Variants in GALNT13 observed in about 807,000 individuals in gnomAD.
GALNT13 encodes the protein polypeptide N-acetylgalactosaminyltransferase 13.
A neutral mutation model predicts 64.2 loss-of-function variants in GALNT13; 28 were observed. The observed-to-expected ratio is 0.44, with a 90% CI of 0.32 to 0.60. The LOEUF (loss-of-function observed/expected upper bound fraction) is 0.60, where lower values mean the gene tolerates loss of function less well. Among genes scored for constraint, GALNT13 ranks in the 20% least tolerant of loss-of-function variants. The probability of loss-of-function intolerance (pLI) is 0.05; values close to 1 mark genes in which losing one functional copy is unlikely to be tolerated. For missense variants in GALNT13, 577 were observed against 669.8 expected (o/e 0.86, Z 1.53); for synonymous variants, 214 against 224.6 (o/e 0.95, Z 0.42).
At chr2:154,151,206 G>A (rs928699571) in intron 4 of GALNT13, among the ~76,000 whole-genome samples, 1 of 152,152 alleles carries the variant, frequency 6.6e-6, no homozygotes, top group Non-Finnish European at 1.5e-5. Flanking sequence ...TCATTCAGGA[G>A]CAGGTTGTTC....
intron 1 of GALNT13, among the ~76,000 whole-genome samples, chr2:153,878,824 C>T (rs1686574941): frequency 6.6e-6 from 1 of 152,128 alleles, no homozygotes; most frequent in Non-Finnish European, 1.5e-5. Flanking sequence ...TTTTACATCC[C>T]AGGTTGCTTT....
the GALNT13 span, among the ~76,000 whole-genome samples, chr2:153,746,787 G>A: frequency 6.6e-6 from 1 of 152,086 alleles, no homozygotes; most frequent in African/African-American, 2.4e-5. Flanking sequence ...CCATTCCAGA[G>A]CCTGAGTACT....
chr2:153,570,647 TG>T, the GALNT13 span, among the ~76,000 whole-genome samples: 3 of 152,076 alleles, frequency 2.0e-5, no homozygotes, highest in East Asian at 5.8e-4. Flanking sequence ...TGGTGAGAGA[TG>T]GGGTCCTGTT....
the GALNT13 span, among the ~76,000 whole-genome samples, chr2:153,132,881 C>A: frequency 6.6e-6 from 1 of 151,974 alleles, no homozygotes; most frequent in African/African-American, 2.4e-5. Flanking sequence ...CCACCATACT[C>A]AGCTATGTTT....
At chr2:153,929,217 A>G (rs1402985589) in intron 2 of GALNT13, among the ~76,000 whole-genome samples, 2 of 152,122 alleles carry the variant, frequency 1.3e-5, no homozygotes, top group Non-Finnish European at 2.9e-5. Flanking sequence ...ACCTCACAGT[A>G]CCTGCCTATC....
the GALNT13 span, among the ~76,000 whole-genome samples, chr2:153,399,271 C>A: frequency 6.6e-6 from 1 of 151,822 alleles, no homozygotes; most frequent in African/African-American, 2.4e-5. Context: ...CTGTTCTGTT[C>A]CATTGATCTA....
rs527868037 is a variant in GALNT13 at position 154,265,581 on chromosome 2, C to T, written c.975+6443C>T. On this transcript the variant is annotated intron_variant, in intron 8 of 12. Transcript: ENST00000392825. ...GGGTGTGGTGGCGGGCACCTGTAAT[C>T]CCAGCTACTTGGGAGGCTGAAACAG... is the stretch of plus-strand genomic sequence containing the variant. 4.6e-5 allele frequency among the ~76,000 whole-genome samples: 7 copies of T among 152,208 alleles called. No homozygotes were observed. In the South Asian group the frequency reaches 1.5e-3, roughly 32 times the overall value.
chr2:153,093,290 G>A, the GALNT13 span, among the ~76,000 whole-genome samples: 26 of 146,286 alleles, frequency 1.8e-4, no homozygotes, highest in African/African-American at 6.3e-4. Flanking sequence ...CCAGGCTGGA[G>A]TGCAGTGGCA....
At chr2:154,105,939 C>T (rs890123232) in intron 3 of GALNT13, among the ~76,000 whole-genome samples, 2 of 152,124 alleles carry the variant, frequency 1.3e-5, no homozygotes, top group Non-Finnish European at 2.9e-5. Context: ...AGCTGTGGCA[C>T]TCATATAATC....
the GALNT13 span, among the ~76,000 whole-genome samples, chr2:153,555,811 C>T: frequency 1.3e-5 from 2 of 152,142 alleles, no homozygotes; most frequent in African/African-American, 4.8e-5. Flanking sequence ...TGTAACTTAG[C>T]CTATTAAAGT....
At chr2:154,165,571 T>G (rs1684979185) in intron 4 of GALNT13, among the ~76,000 whole-genome samples, 1 of 152,208 alleles carries the variant, frequency 6.6e-6, no homozygotes, top group Non-Finnish European at 1.5e-5. Context: ...TTATTATTTG[T>G]GTTTATATTA....
chr2:154,288,975 T>C (rs1692444181), intron 8 of GALNT13, among the ~76,000 whole-genome samples: 1 of 152,144 alleles, frequency 6.6e-6, no homozygotes, highest in African/African-American at 2.4e-5. Context: ...GCACCCCACA[T>C]TTCCCTTCCA....
At chr2:154,450,341 G>T (rs1412224422) in intron 12 of GALNT13, 70 bp from the exon 13 acceptor site, 5 of 1,391,822 alleles carry the variant, frequency 3.6e-6, no homozygotes, top group Non-Finnish European at 4.9e-6. Context: ...TTAAAGAACA[G>T]ATTTTATCTG....
the GALNT13 span, among the ~76,000 whole-genome samples, chr2:153,218,193 CTT>C: frequency 2.0e-5 from 3 of 152,310 alleles, no homozygotes; most frequent in East Asian, 5.8e-4. Flanking sequence ...TCTTGTCTCT[CTT>C]CTATTCCTCT....
At chr2:153,809,408 C>T in the GALNT13 span, among the ~76,000 whole-genome samples, 1 of 152,126 alleles carries the variant, frequency 6.6e-6, no homozygotes, top group Non-Finnish European at 1.5e-5. Flanking sequence ...CTCTGTGATT[C>T]TCTTGGCTGT....
At chr2:153,111,404 A>G in the GALNT13 span, among the ~76,000 whole-genome samples, 1 of 152,032 alleles carries the variant, frequency 6.6e-6, no homozygotes, top group Non-Finnish European at 1.5e-5. Flanking sequence ...CTCATTCTGG[A>G]TAAGGTATTG....
the GALNT13 span, among the ~76,000 whole-genome samples, chr2:153,084,754 A>C: frequency 6.6e-6 from 1 of 152,168 alleles, no homozygotes; most frequent in Non-Finnish European, 1.5e-5. Flanking sequence ...CTGTGAGTCT[A>C]TTAAATCTCT....
the GALNT13 span, among the ~76,000 whole-genome samples, chr2:153,612,191 C>T: frequency 9.2e-5 from 14 of 152,058 alleles, no homozygotes; most frequent in East Asian, 2.5e-3. Flanking sequence ...AGGAAACAAC[C>T]GATGCCATCG....
At chr2:153,343,952 A>T in the GALNT13 span, among the ~76,000 whole-genome samples, 2 of 152,110 alleles carry the variant, frequency 1.3e-5, no homozygotes, top group African/African-American at 4.8e-5. Flanking sequence ...AACCTTTTTC[A>T]CTTAACATAT....
Sources: allele counts gnomAD v4.1 joint callset (sites outside exome capture counted in the v4.1 genomes callset), GRCh38; gene constraint gnomAD v4.1.1; transcripts MANE v1.5; gene names NCBI Gene and HGNC (gene_info 2026-07-23, HGNC 2026-07-21).